MZT2A: variants seen among roughly 807,000 people sequenced by gnomAD.
MZT2A encodes mitotic-spindle organizing protein 2A.
A neutral mutation model predicts 12.4 loss-of-function variants in MZT2A; 8 were observed. The observed-to-expected ratio is 0.64, with a 90% CI of 0.38 to 1.16. MZT2A has a LOEUF of 1.16. Ranked by LOEUF, MZT2A falls within the 50% of genes most tolerant of loss-of-function variation. The pLI is 0.01. For synonymous variants in MZT2A, 88 were observed against 107.5 expected (o/e 0.82, Z 1.12); for missense variants, 181 against 223.6 (o/e 0.81, Z 1.22).
chr2:131,490,529 C>T (rs759550319), intron 2 of MZT2A: 11 of 1,465,198 alleles, frequency 7.5e-6, no homozygotes, highest in Non-Finnish European at 9.9e-6. Context: ...GGTCTAGAGA[C>T]TGCCACACCA....
chr2:131,471,267 T>C (rs397839667), intron 3 of MZT2A, among the ~76,000 whole-genome samples: 1 of 140,484 alleles, frequency 7.1e-6, no homozygotes, highest in South Asian at 2.1e-4. Context: ...GGGATGATAC[T>C]ACAGATTATC....
rs574227493 is a variant in MZT2A, at chr2:131,474,389, G to A, written c.279-2207C>T. Among the ~76,000 whole-genome samples, 15 of 143,862 alleles carry A rather than the reference G, an allele frequency of 1.0e-4. No individual in the cohort carries two copies. The South Asian group carries it at 1.1e-3, about 11-fold the overall frequency. 94.4% of individuals were successfully genotyped at this position (143,862 alleles called of 152,430 possible). Reference sequence around the variant, plus strand: ...TGGGATTACAGGCATGAGCCACCGCGCCCAGTCTTCTTCTTCTTTTTTTTT... The same window carrying A: ...TGGGATTACAGGCATGAGCCACCGCACCCAGTCTTCTTCTTCTTTTTTTTT... On this transcript the variant is annotated intron_variant and NMD_transcript_variant, in intron 2 of 4. Coordinates refer to the MZT2A transcript ENST00000427024.
chr2:131,482,442 T>C, downstream of MZT2A: 1 of 1,471,148 alleles, frequency 6.8e-7, no homozygotes, highest in East Asian at 2.3e-5. Context: ...TGAGGTGAAC[T>C]GAGCATTCTC....
At chr2:131,470,593 T>A (rs1573849179) in intron 3 of MZT2A, among the ~76,000 whole-genome samples, 1 of 152,344 alleles carries the variant, frequency 6.6e-6, no homozygotes, top group East Asian at 1.9e-4. Context: ...ACCCTGCAAC[T>A]GCATGGAGTA....
chr2:131,480,966 C>T (rs538158001), downstream of MZT2A, among the ~76,000 whole-genome samples: 7 of 151,182 alleles, frequency 4.6e-5, no homozygotes, highest in Admixed American at 2.0e-4. Flanking sequence ...TGCAGTGGTG[C>T]GATCTCAGCT....
At chr2:131,486,356 CCA>C (rs1426312295) in intron 2 of MZT2A, 1 of 163,550 alleles carries the variant, frequency 6.1e-6, no homozygotes, top group East Asian at 1.9e-4. Context: ...TCCTCTGAGG[CCA>C]CAGTCCCTCT....
intron 2 of MZT2A, chr2:131,490,419 G>T (rs1679243124): frequency 1.6e-6 from 2 of 1,250,426 alleles, no homozygotes; most frequent in Admixed American, 3.4e-5. Flanking sequence ...GCACCCGGCT[G>T]GCTGTCTTCC....
intron 2 of MZT2A, chr2:131,478,580 A>C (rs1678750099): frequency 9.8e-7 from 1 of 1,015,868 alleles, no homozygotes; most frequent in East Asian, 2.6e-5. Context: ...ATTTAGGAAA[A>C]CCTGACCTAC....
At chr2:131,490,559 C>G (rs1049145255) in intron 2 of MZT2A, 4 of 1,503,206 alleles carry the variant, frequency 2.7e-6, no homozygotes, top group Non-Finnish European at 2.7e-6. Flanking sequence ...TAAACCGAGT[C>G]AGAAATAGTG....
chr2:131,471,757 G>A (rs1704990934), intron 3 of MZT2A, among the ~76,000 whole-genome samples: 1 of 151,336 alleles, frequency 6.6e-6, no homozygotes, highest in African/African-American at 2.5e-5. Flanking sequence ...CGGGGCTGGG[G>A]GAGTTGCTGC....
At chr2:131,491,763 CG>C (rs1679319502) in intron 2 of MZT2A, 112 bp downstream of exon 2, 1 of 1,268,788 alleles carries the variant, frequency 7.9e-7, no homozygotes, top group African/African-American at 3.6e-5. Context: ...GGGCCTAGAC[CG>C]ACCGACAGAC....
upstream of MZT2A, chr2:131,492,437 C>T (rs1175712956): frequency 1.7e-6 from 2 of 1,196,060 alleles, no homozygotes; most frequent in Non-Finnish European, 2.1e-6. Context: ...ATGCGCCCAC[C>T]GCCCTCTCCC....
chr2:131,474,405 CTTT>C (rs70994777), intron 2 of MZT2A, among the ~76,000 whole-genome samples: 226 of 94,836 alleles, frequency 2.4e-3, no homozygotes, highest in Middle Eastern at 9.4e-3. Flanking sequence ...TCTTCTTCTT[CTTT>C]TTTTTTTTTT....
At chr2:131,472,621 T>C (rs569650430) in intron 2 of MZT2A, among the ~76,000 whole-genome samples, 3 of 152,348 alleles carry the variant, frequency 2.0e-5, no homozygotes, top group African/African-American at 7.2e-5. Flanking sequence ...CCGTAGCTTT[T>C]CTGTGTTTAG....
At chr2:131,483,698 G>A (rs1031135193), downstream of MZT2A, among the ~76,000 whole-genome samples, 6 of 151,686 alleles carry the variant, frequency 4.0e-5, no homozygotes, top group African/African-American at 9.7e-5. Flanking sequence ...TTGGGTAACA[G>A]AGCAAGACTC....
intron 2 of MZT2A, among the ~76,000 whole-genome samples, chr2:131,475,477 C>T (rs1332217075): frequency 1.3e-5 from 2 of 151,928 alleles, no homozygotes; most frequent in Non-Finnish European, 2.9e-5. Flanking sequence ...TTACAGGTGC[C>T]TACCACCAGC....
chr2:131,484,097 G>A lies in MZT2A; in HGVS notation c.441C>T (p.Gly147=), dbSNP rs925250320. The change falls in exon 3 of 3, where the codon GGC becomes GGT. Residue 147 remains glycine, a synonymous_variant. Transcript: ENST00000309451. ...CCTGCGTAGGGCTCTTCCCAGGCCCGCCCCCCTTGGGCAGCCTGGTAGCGC... is the reference window on the plus strand; with the variant it reads ...CCTGCGTAGGGCTCTTCCCAGGCCCACCCCCCTTGGGCAGCCTGGTAGCGC... ...QPSATRLPKG[G]GPGKSPTQGS... is the part of the protein sequence containing the mutation. 13 of 1,613,428 alleles carry A rather than the reference G, an allele frequency of 8.1e-6. No individual in the cohort carries two copies. The highest frequency in any genetic ancestry group is 2.2e-5 in the East Asian group (1 of 44,878).
chr2:131,492,991 C>T (rs1679412799), upstream of MZT2A: 4 of 1,517,982 alleles, frequency 2.6e-6, no homozygotes, highest in South Asian at 4.8e-5. Flanking sequence ...TGCGCACGTA[C>T]CTTTTGAGGT....
At chr2:131,492,791 G>T, upstream of MZT2A, 4 of 1,321,988 alleles carry the variant, frequency 3.0e-6, no homozygotes, top group Non-Finnish European at 1.0e-6. Flanking sequence ...CGGGGGGGGT[G>T]GGGGGCACTA....
Sources: gnomAD v4.1 joint callset for allele counts (sites outside exome capture counted in the v4.1 genomes callset) on GRCh38, gnomAD v4.1.1 for gene constraint, MANE v1.5 for transcripts, NCBI Gene and HGNC (gene_info 2026-07-23, HGNC 2026-07-21) for gene names.